RBFOX1: variants seen among roughly 807,000 people sequenced by gnomAD.
The protein encoded by RBFOX1 is RNA binding protein fox-1 homolog 1.
RBFOX1 carries 8 observed loss-of-function variants against 57.7 expected under a neutral mutation model. That is an observed-to-expected ratio of 0.14 (90% CI 0.08 to 0.25). The LOEUF is 0.25. Among genes scored for constraint, RBFOX1 ranks in the 10% least tolerant of loss-of-function variants. The pLI is 1.00. For synonymous variants in RBFOX1, 326 were observed against 222.4 expected (o/e 1.47, Z -4.15); for missense variants, 611 against 548.5 (o/e 1.11, Z -1.14).
intron 4 of RBFOX1, among the ~76,000 whole-genome samples, chr16:7,217,910 G>C (rs2092355967): frequency 6.6e-6 from 1 of 151,674 alleles, no homozygotes; most frequent in African/African-American, 2.4e-5. Context: ...GTGTGCATGT[G>C]TGTGTGTGAG....
chr16:7,055,791 C>G (rs12446678), intron 4 of RBFOX1, among the ~76,000 whole-genome samples: 1 of 151,942 alleles, frequency 6.6e-6, no homozygotes, highest in African/African-American at 2.4e-5. Flanking sequence ...GTGTTGTTAC[C>G]CAATGGAGTC....
intron 3 of RBFOX1, among the ~76,000 whole-genome samples, chr16:7,021,367 C>T (rs991356352): frequency 5.0e-5 from 7 of 140,926 alleles, no homozygotes; most frequent in South Asian, 4.5e-4. Flanking sequence ...TATTTATGTT[C>T]TTATATATTT....
chr16:6,203,272 C>A (rs2097228406), intron 1 of RBFOX1, among the ~76,000 whole-genome samples: 2 of 152,170 alleles, frequency 1.3e-5, no homozygotes, highest in Admixed American at 1.3e-4. Context: ...CAACCCATGG[C>A]AACCACGGTT....
intron 4 of RBFOX1, among the ~76,000 whole-genome samples, chr16:7,206,301 G>A (rs866285074): frequency 1.1e-4 from 17 of 152,136 alleles, no homozygotes; most frequent in African/African-American, 3.9e-4. Flanking sequence ...GTAGGTGAAA[G>A]TTTTCAGGTT....
chr16:6,184,664 A>G (rs1160839117), intron 1 of RBFOX1, among the ~76,000 whole-genome samples: 1 of 151,876 alleles, frequency 6.6e-6, no homozygotes, highest in Non-Finnish European at 1.5e-5. Flanking sequence ...GGTTCAAGCA[A>G]TTCTCCTGCC....
intron 3 of RBFOX1, among the ~76,000 whole-genome samples, chr16:6,858,254 C>A (rs968782906): frequency 6.6e-6 from 1 of 152,184 alleles, no homozygotes; most frequent in Admixed American, 6.5e-5. Flanking sequence ...AAATGATGAA[C>A]TACACTTTGT....
intron 3 of RBFOX1, among the ~76,000 whole-genome samples, chr16:6,940,877 G>GTT (rs1567987775): frequency 2.8e-5 from 4 of 142,050 alleles, no homozygotes; most frequent in African/African-American, 8.0e-5. Flanking sequence ...GTGTGTGTGT[G>GTT]TGTGTGTGTG....
chr16:7,009,647 G>C (rs2093553655), intron 3 of RBFOX1, among the ~76,000 whole-genome samples: 1 of 152,096 alleles, frequency 6.6e-6, no homozygotes, highest in Non-Finnish European at 1.5e-5. Flanking sequence ...CTACCGTCTG[G>C]GCACTTGTCA....
At chr16:6,122,971 A>AC (rs397769367) in intron 1 of RBFOX1, among the ~76,000 whole-genome samples, 17 of 152,034 alleles carry the variant, frequency 1.1e-4, no homozygotes, top group African/African-American at 4.1e-4. Flanking sequence ...AAAAAAAAAA[A>AC]CTATTGGAAA....
At chr16:7,180,451 C>G (rs1417751414) in intron 4 of RBFOX1, among the ~76,000 whole-genome samples, 1 of 152,100 alleles carries the variant, frequency 6.6e-6, no homozygotes, top group Non-Finnish European at 1.5e-5. Context: ...GCCCTACATT[C>G]TACAGACGTG....
At chr16:5,990,719 A>G (rs1311341895) in intron 4 of RBFOX1, among the ~76,000 whole-genome samples, 3 of 152,202 alleles carry the variant, frequency 2.0e-5, no homozygotes, top group Admixed American at 6.5e-5. Context: ...TGTAATCGCA[A>G]CACTTCAGAA....
chr16:7,121,949 G>A (rs200406949), intron 4 of RBFOX1, among the ~76,000 whole-genome samples: 1 of 49,262 alleles, frequency 2.0e-5, no homozygotes, highest in Middle Eastern at 0.011. Context: ...AACAACTGGT[G>A]TTGGAATAAT....
At chr16:6,827,635 A>T (rs1177543765) in intron 3 of RBFOX1, among the ~76,000 whole-genome samples, 2 of 152,156 alleles carry the variant, frequency 1.3e-5, no homozygotes, top group Non-Finnish European at 2.9e-5. Flanking sequence ...ACTGCTCAGC[A>T]GTCACCTCCT....
At position 5,869,450 on chromosome 16, in the gene RBFOX1, G is replaced by A. The variant is rs1339722811; in HGVS notation, c.351+2115G>A. On this transcript the variant is annotated intron_variant, in intron 4 of 19. Coordinates refer to the RBFOX1 transcript ENST00000641259. ...TGGGGACTCTCCCAGTCACCAGGCT[G>A]GAGTACAGTGGCACAATCTCGGCTC... is the stretch of plus-strand genomic sequence containing the variant. 2.0e-5 allele frequency among the ~76,000 whole-genome samples: 3 copies of A among 152,296 alleles called. No individual in the cohort carries two copies. The East Asian group carries it at 5.8e-4, about 29-fold the overall frequency.
At chr16:6,789,166 T>A (rs905724939) in intron 3 of RBFOX1, among the ~76,000 whole-genome samples, 1 of 152,112 alleles carries the variant, frequency 6.6e-6, no homozygotes, top group Admixed American at 6.5e-5. Flanking sequence ...GGGTAGAGTG[T>A]TCTTCAGAAG....
intron 4 of RBFOX1, among the ~76,000 whole-genome samples, chr16:7,437,815 G>T (rs2098734850): frequency 1.3e-5 from 2 of 151,718 alleles, no homozygotes; most frequent in Admixed American, 6.6e-5. Context: ...AGATGTGCTG[G>T]TCGGCCCCTT....
chr16:5,424,642 A>G (rs894268016), intron 1 of RBFOX1, among the ~76,000 whole-genome samples: 2 of 152,070 alleles, frequency 1.3e-5, no homozygotes, highest in Admixed American at 6.6e-5. Flanking sequence ...GTATCTAACA[A>G]ACCTGCACAT....
Position 6,281,652 on chromosome 16 carries a change from G to A in RBFOX1, c.-126-35343G>A, listed in dbSNP as rs186224292. On this transcript the variant is annotated intron_variant, in intron 1 of 15. Coordinates refer to ENST00000550418, the MANE Select transcript of RBFOX1 (RefSeq NM_018723.4). ...TAGTGGCGGTGGTGTTGGTAGTAAC[G>A]GCAAAAACCTCAGTTACTTTTGTGC... Among the ~76,000 whole-genome samples the A allele has an allele frequency of 6.6e-5, 10 of 152,128 alleles. No individual in the cohort carries two copies. The East Asian group carries it at 1.9e-3, about 29-fold the overall frequency.
chr16:6,581,642 A>T (rs140968111), intron 2 of RBFOX1, among the ~76,000 whole-genome samples: 1,800 of 152,316 alleles, frequency 0.012, 49 homozygotes, highest in African/African-American at 0.042. Flanking sequence ...GCTTCTCAGA[A>T]ACAGGTGATC....
Sources: gnomAD v4.1 joint callset for allele counts (sites outside exome capture counted in the v4.1 genomes callset) on GRCh38, gnomAD v4.1.1 for gene constraint, MANE v1.5 for transcripts, NCBI Gene and HGNC (gene_info 2026-07-23, HGNC 2026-07-21) for gene names.